The following EXOC6 variants were observed in gnomAD, a reference collection of about 807,000 sequenced individuals.
EXOC6 encodes exocyst complex component 6, also known as SEC15-like 1.
Under a neutral mutation model 112.5 loss-of-function variants are expected in EXOC6, and 60 were observed. The ratio of observed to expected loss-of-function variants is 0.53; its 90% CI spans 0.43 to 0.66. The LOEUF (loss-of-function observed/expected upper bound fraction) is 0.66. Among genes scored for constraint, EXOC6 ranks in the 30% least tolerant of loss-of-function variants. The pLI is 0.00. For synonymous variants in EXOC6, 295 were observed against 308.0 expected (o/e 0.96, Z 0.44); for missense variants, 855 against 957.1 (o/e 0.89, Z 1.41).
intron 19 of EXOC6, chr10:92,999,203 C>CT (rs768506467): frequency 0.21 from 69,506 of 334,316 alleles, 1,522 homozygotes; most frequent in Middle Eastern, 0.27. Context: ...CTAAGAAACA[C>CT]TTTTTTTTTT....
intron 20 of EXOC6, among the ~76,000 whole-genome samples, chr10:93,056,276 G>A (rs536643424): frequency 3.0e-4 from 46 of 152,190 alleles, no homozygotes; most frequent in Middle Eastern, 3.4e-3. Flanking sequence ...AAGACACCAC[G>A]GGAAACAAGA....
intron 20 of EXOC6, among the ~76,000 whole-genome samples, chr10:93,042,239 C>T (rs914703058): frequency 6.6e-6 from 1 of 152,170 alleles, no homozygotes; most frequent in Admixed American, 6.5e-5. Flanking sequence ...ATACCACGAG[C>T]CCTCCTTTGA....
intron 11 of EXOC6, among the ~76,000 whole-genome samples, chr10:92,935,214 C>T (rs1369947329): frequency 6.6e-6 from 1 of 151,798 alleles, no homozygotes; most frequent in Non-Finnish European, 1.5e-5. Flanking sequence ...CTTTTCCTAG[C>T]ATATTAATAA....
At chr10:92,920,870 T>A (rs1476640609) in intron 8 of EXOC6, among the ~76,000 whole-genome samples, 1 of 152,222 alleles carries the variant, frequency 6.6e-6, no homozygotes, top group East Asian at 1.9e-4. Flanking sequence ...TTTTTTGTCT[T>A]AAGGTCTGTT....
At position 92,997,605 on chromosome 10, in the gene EXOC6, A is replaced by G. The variant is rs114345865; in HGVS notation, c.2085A>G (p.Ile695Met). ...TTCAGCAGTTTAACTTAGATGTCAT[A>G]CAGTGTGAATGTAAGTACTATATTG... ...GAVQQFNLDV[I>M]QCELFASSEP... The change falls in exon 19 of 22, where the codon ATA becomes ATG. Residue 695 changes from isoleucine to methionine, a missense_variant. By Grantham distance (10) the Ile-to-Met change is conservative. Transcript: ENST00000260762. The G allele has an allele frequency of 2.5e-4, 406 of 1,611,278 alleles. No homozygotes were observed. The African/African-American group carries it at 5.1e-3, about 20-fold the overall frequency.
chr10:92,954,671 T>C lies in EXOC6; in HGVS notation c.1568T>C (p.Leu523Pro). Residue 523 changes from leucine to proline, a missense_variant, in exon 16 of 22, where the codon CTG (leucine) becomes CCG (proline). This residue lies in a region of EXOC6 where 450 missense variants were observed against 563.5 expected (regional missense o/e 0.80). Coordinates refer to ENST00000260762, the MANE Select transcript of EXOC6 (RefSeq NM_019053.6). Reference protein sequence around the residue: ...IDDMLRKSTNLLLTRTLSSCL... With the variant: ...IDDMLRKSTNPLLTRTLSSCL... ...GATATGCTTAGAAAATCAACAAATC[T>C]GCTGCTGACCAGAACTTTGAGTAGC... 1 of 1,609,554 alleles carries C rather than the reference T, an allele frequency of 6.2e-7. No homozygotes were observed. Among genetic ancestry groups the C allele is most frequent in the South Asian group, 1.1e-5 (1 of 90,572 alleles).
intron 16 of EXOC6, among the ~76,000 whole-genome samples, chr10:92,955,340 A>G (rs1853631887): frequency 6.6e-6 from 1 of 151,936 alleles, no homozygotes; most frequent in Non-Finnish European, 1.5e-5. Context: ...ATGAAAAGTT[A>G]TTTTAAAATA....
At chr10:93,035,096 A>C (rs900233607) in intron 20 of EXOC6, among the ~76,000 whole-genome samples, 8 of 152,242 alleles carry the variant, frequency 5.3e-5, no homozygotes, top group Admixed American at 1.3e-4. Flanking sequence ...GACATCTCAC[A>C]AAGTTTACCT....
intron 15 of EXOC6, among the ~76,000 whole-genome samples, chr10:92,953,628 A>G (rs1219074339): frequency 2.0e-5 from 3 of 152,182 alleles, no homozygotes; most frequent in Admixed American, 6.5e-5. Flanking sequence ...AGAATTATCC[A>G]CCCTAAAATG....
Position 92,882,783 on chromosome 10 carries a change from C to A in EXOC6, c.102-10566C>A, listed in dbSNP as rs913898801. 2.6e-5 allele frequency among the ~76,000 whole-genome samples: 4 copies of A among 152,276 alleles called. No individual in the cohort carries two copies. The East Asian group carries it at 7.7e-4, about 29-fold the overall frequency. ...AGTTGCGGTGTTTCAAGTCTCACTTCAGACTCTAACTTCAGGGTTTCAAGT... is the reference window on the plus strand; with the variant it reads ...AGTTGCGGTGTTTCAAGTCTCACTTAAGACTCTAACTTCAGGGTTTCAAGT... On this transcript the variant is annotated intron_variant, in intron 1 of 21. Coordinates refer to ENST00000260762, the MANE Select transcript of EXOC6 (RefSeq NM_019053.6).
chr10:93,031,447 T>A (rs556164446), intron 20 of EXOC6, among the ~76,000 whole-genome samples: 2 of 152,154 alleles, frequency 1.3e-5, no homozygotes, highest in East Asian at 3.9e-4. Context: ...ATCTAATATG[T>A]TCTCATTTAA....
In EXOC6 at chr10:92,920,044, T is replaced by A; in HGVS notation, c.882T>A (p.Ser294=). ...SPVYRCLHIY[S]VLGDEETFEN... ...TTTATCGATGTTTGCACATTTATTC[T>A]GTTTTGGTAAGTATGTTTTATATTT... The change falls in exon 8 of 22, where the codon TCT becomes TCA. Residue 294 remains serine (S), a synonymous_variant. Transcript: ENST00000260762. 8 of 1,596,702 alleles carry A rather than the reference T, an allele frequency of 5.0e-6. No individual in the cohort carries two copies. Among genetic ancestry groups the A allele is most frequent in the Non-Finnish European group, 6.9e-6 (8 of 1,167,686 alleles).
At chr10:93,011,807 G>T (rs1844261352) in intron 19 of EXOC6, among the ~76,000 whole-genome samples, 1 of 151,998 alleles carries the variant, frequency 6.6e-6, no homozygotes, top group Admixed American at 6.6e-5. Flanking sequence ...CATAGTAGGG[G>T]GTAATGGTGA....
Position 92,860,931 on chromosome 10 carries a change from CTGTT to C in EXOC6, c.101+12300_101+12303del, listed in dbSNP as rs530097594. ...GCAGTGAACATGGGTGTACCAATAT[CTGTT>C]TGAGTGCAGTGCCTGGTTTTCCCAG... On this transcript the variant is annotated intron_variant, in intron 1 of 21. Transcript: ENST00000260762. Among the ~76,000 whole-genome samples the C allele has an allele frequency of 3.2e-3, 492 of 152,206 alleles. 7 individuals are homozygous for C. The highest frequency in any genetic ancestry group is 0.011 in the African/African-American group (464 of 41,488).
At chr10:92,836,101 A>C (rs966019991) in intron 1 of EXOC6, among the ~76,000 whole-genome samples, 5 of 152,212 alleles carry the variant, frequency 3.3e-5, no homozygotes, top group Admixed American at 3.3e-4. Context: ...CTAAGTGGAA[A>C]CAAGAGAAAG....
intron 20 of EXOC6, among the ~76,000 whole-genome samples, chr10:93,043,643 A>T (rs1257146973): frequency 6.6e-6 from 1 of 152,200 alleles, no homozygotes; most frequent in African/African-American, 2.4e-5. Context: ...TTGCTTAGAA[A>T]TGTCCTAATT....
At chr10:92,833,896 T>C (rs1846576938), upstream of EXOC6, among the ~76,000 whole-genome samples, 3 of 151,842 alleles carry the variant, frequency 2.0e-5, no homozygotes, top group Admixed American at 1.3e-4. Flanking sequence ...GTTTTGGGCC[T>C]CTAGTTCATG....
At chr10:93,028,974 C>G (rs1448506486) in intron 20 of EXOC6, among the ~76,000 whole-genome samples, 1 of 152,062 alleles carries the variant, frequency 6.6e-6, no homozygotes, top group Non-Finnish European at 1.5e-5. Context: ...ATCCATGCTT[C>G]AGAGATACCT....
intron 13 of EXOC6, among the ~76,000 whole-genome samples, chr10:92,945,615 C>T (rs774054526): frequency 1.3e-5 from 2 of 152,228 alleles, no homozygotes; most frequent in Non-Finnish European, 2.9e-5. Flanking sequence ...ATTATCTCTT[C>T]TTCCATAGTA....
Sources: allele counts gnomAD v4.1 joint callset (sites outside exome capture counted in the v4.1 genomes callset), GRCh38; gene constraint gnomAD v4.1.1; regional missense constraint gnomAD v4.1.1; transcripts MANE v1.5; gene names NCBI Gene and HGNC (gene_info 2026-07-23, HGNC 2026-07-21).